STX7: variants seen among roughly 807,000 people sequenced by gnomAD.
STX7 encodes syntaxin-7.
A neutral mutation model predicts 39.6 loss-of-function variants in STX7; 34 were observed. The ratio of observed to expected loss-of-function variants is 0.86; its 90% CI spans 0.65 to 1.14. The LOEUF is 1.14. STX7 is among the 50% of genes most tolerant of loss of function. The pLI, the probability that STX7 is intolerant of heterozygous loss-of-function variation, is 0.00. For synonymous variants in STX7, 119 were observed against 99.1 expected, an observed-to-expected ratio of 1.20 and a Z score of -1.19; for missense variants, 284 against 310.4, an observed-to-expected ratio of 0.92 and a Z score of 0.64.
At position 132,509,325 on chromosome 6, in the gene STX7, G is replaced by A. The variant is rs9493340; in HGVS notation, c.-59+3682C>T. Reference sequence around the variant, plus strand: ...AAATTAACTGGGTGTGGTGGCATGCGCCTGTAGTGCCAGCTACTCAGGAGG... The same window carrying A: ...AAATTAACTGGGTGTGGTGGCATGCACCTGTAGTGCCAGCTACTCAGGAGG... On this transcript the variant is annotated intron_variant, in intron 1 of 9. Coordinates refer to ENST00000367941, the MANE Select transcript of STX7 (RefSeq NM_003569.3). 8.9e-3 allele frequency among the ~76,000 whole-genome samples: 1,350 copies of A among 152,018 alleles called. 21 individuals carry two copies. Among genetic ancestry groups the A allele is most frequent in the African/African-American group, 0.03 (1,252 of 41,440 alleles).
chr6:132,492,681 G>A (rs576728419), intron 2 of STX7, among the ~76,000 whole-genome samples: 2 of 152,244 alleles, frequency 1.3e-5, no homozygotes, highest in South Asian at 4.1e-4. Flanking sequence ...ACTTGAGCAA[G>A]TGACAACCAC....
rs747240555 is a variant in STX7, at chr6:132,460,490, G to T, written c.*268C>A. 3.7e-6 allele frequency: 1 copy of T among 268,364 alleles called. No individual in the cohort carries two copies. The highest frequency in any genetic ancestry group is 7.0e-6 in the Non-Finnish European group (1 of 143,046). The allele number at this position is 268,364 out of a possible 1,614,324, so 16.6% of individuals were successfully genotyped here. On this transcript the variant is annotated 3_prime_UTR_variant, in exon 10 of 10. Transcript: ENST00000367941. The stretch of plus-strand genomic sequence containing the variant: ...CAGGGTAAATAAATTATAAATGAAA[G>T]GCATATGCAATGTGGGCAAAAACTT...
chr6:132,475,779 G>GA (rs1774859052), intron 2 of STX7, 117 bp from the exon 3 acceptor site: 1 of 386,804 alleles, frequency 2.6e-6, no homozygotes, highest in Non-Finnish European at 4.3e-6. Context: ...AAACAAAGAT[G>GA]AAAATAGAAA....
At chr6:132,489,082 G>A (rs1388734573) in intron 2 of STX7, among the ~76,000 whole-genome samples, 3 of 151,640 alleles carry the variant, frequency 2.0e-5, no homozygotes, top group Non-Finnish European at 4.4e-5. Context: ...CACCCCTGTA[G>A]TCCAAGCTAC....
chr6:132,478,295 C>A (rs1226484393), intron 2 of STX7, among the ~76,000 whole-genome samples: 2 of 152,046 alleles, frequency 1.3e-5, no homozygotes, highest in East Asian at 1.9e-4. Context: ...AAAGTACAAA[C>A]AAGTACACCA....
chr6:132,479,083 G>A (rs1404985890), intron 2 of STX7, among the ~76,000 whole-genome samples: 2 of 152,214 alleles, frequency 1.3e-5, no homozygotes, highest in Non-Finnish European at 2.9e-5. Context: ...ATACAGGGCA[G>A]TGTTTCCTCA....
At chr6:132,461,894 G>T in intron 9 of STX7, 1 of 1,515,322 alleles carries the variant, frequency 6.6e-7, no homozygotes, top group South Asian at 1.3e-5. Context: ...AATTTACTTT[G>T]TGTCAAGTAG....
rs773745798 is a variant in STX7 at position 132,475,586 on chromosome 6, T to C, written c.155+7A>G. 1.3e-6 allele frequency: 2 copies of C among 1,585,858 alleles called. No individual in the cohort carries two copies. The highest frequency in any genetic ancestry group is 4.5e-5 in the East Asian group (2 of 44,420). Reference sequence around the variant, plus strand: ...TTTCTCTTTTATTTATTTAACTAGATACTTACAACTGTTGCCTCAATTCAG... The same window carrying C: ...TTTCTCTTTTATTTATTTAACTAGACACTTACAACTGTTGCCTCAATTCAG... On this transcript the variant is annotated splice_region_variant and intron_variant, in intron 3 of 9. Coordinates refer to ENST00000367941, the MANE Select transcript of STX7 (RefSeq NM_003569.3).
intron 1 of STX7, among the ~76,000 whole-genome samples, chr6:132,511,069 TG>T (rs1268141188): frequency 1.3e-5 from 2 of 152,096 alleles, no homozygotes; most frequent in Non-Finnish European, 2.9e-5. Context: ...TTCTGAGGGG[TG>T]GGGGGTGAGC....
chr6:132,493,075 T>C (rs527300976), intron 2 of STX7, among the ~76,000 whole-genome samples: 8 of 152,292 alleles, frequency 5.3e-5, no homozygotes, highest in South Asian at 2.1e-4. Context: ...GGCATTTTCT[T>C]TGACTTTATA....
chr6:132,494,485 C>G (rs1369050327), intron 2 of STX7, among the ~76,000 whole-genome samples: 3 of 152,098 alleles, frequency 2.0e-5, no homozygotes, highest in Admixed American at 6.5e-5. Context: ...AATGATAAGG[C>G]AGGGAAGACA....
intron 9 of STX7, among the ~76,000 whole-genome samples, chr6:132,461,101 T>A (rs1774384244): frequency 2.0e-5 from 3 of 152,130 alleles, no homozygotes; most frequent in Admixed American, 2.0e-4. Context: ...CATTGGTAAT[T>A]TTTCTAAGGG....
At chr6:132,464,636 A>G (rs772857611) in intron 8 of STX7, among the ~76,000 whole-genome samples, 2 of 152,176 alleles carry the variant, frequency 1.3e-5, no homozygotes, top group Middle Eastern at 3.2e-3. Flanking sequence ...TTTTCCCTCT[A>G]TGTCTTTGTA....
At chr6:132,498,654 G>A (rs2842888) in intron 2 of STX7, among the ~76,000 whole-genome samples, 49,058 of 151,958 alleles carry the variant, frequency 0.32, 8,819 homozygotes, top group Middle Eastern at 0.43. Context: ...AATGTAGTGT[G>A]AAGAGAACCT....
intron 2 of STX7, among the ~76,000 whole-genome samples, chr6:132,487,926 T>C (rs756352176): frequency 6.6e-6 from 1 of 152,178 alleles, no homozygotes; most frequent in Non-Finnish European, 1.5e-5. Context: ...GTATTTCCTT[T>C]GTTCTGCTGA....
chr6:132,488,061 A>C (rs937004856), intron 2 of STX7, among the ~76,000 whole-genome samples: 1 of 152,202 alleles, frequency 6.6e-6, no homozygotes, highest in Non-Finnish European at 1.5e-5. Context: ...AATACCATCC[A>C]ACAAATTCTG....
At chr6:132,491,985 A>G (rs1052634192) in intron 2 of STX7, among the ~76,000 whole-genome samples, 14 of 152,116 alleles carry the variant, frequency 9.2e-5, no homozygotes, top group African/African-American at 2.9e-4. Flanking sequence ...ACAAAATCTA[A>G]AATTCTGGTT....
chr6:132,507,773 A>G (rs1775743876), intron 1 of STX7, among the ~76,000 whole-genome samples: 1 of 152,230 alleles, frequency 6.6e-6, no homozygotes, highest in African/African-American at 2.4e-5. Context: ...AGATCTCTGG[A>G]AAAACTGGCT....
chr6:132,511,306 C>T (rs1775841914), intron 1 of STX7, among the ~76,000 whole-genome samples: 1 of 152,140 alleles, frequency 6.6e-6, no homozygotes. Context: ...GTGCCATTTC[C>T]TATTTCTAGA....
Sources: gnomAD v4.1 joint callset for allele counts (sites outside exome capture counted in the v4.1 genomes callset) on GRCh38, gnomAD v4.1.1 for gene constraint, MANE v1.5 for transcripts, NCBI Gene and HGNC (gene_info 2026-07-23, HGNC 2026-07-21) for gene names.